Variants in MYOM2 observed in about 807,000 individuals in gnomAD.
MYOM2 encodes the protein myomesin 2.
A neutral mutation model predicts 187.6 loss-of-function variants in MYOM2; 254 were observed. That is an observed-to-expected ratio of 1.35 (90% CI 1.22 to 1.50). MYOM2 has a LOEUF of 1.50. MYOM2 is among the 40% of genes most tolerant of loss of function. The pLI is 0.00. For synonymous variants in MYOM2, 981 were observed against 753.8 expected, an observed-to-expected ratio of 1.30 and a Z score of -4.94; for missense variants, 2,796 against 1,924.0, an observed-to-expected ratio of 1.45 and a Z score of -8.48.
intron 14 of MYOM2, among the ~76,000 whole-genome samples, chr8:2,086,240 T>G (rs1377632373): frequency 2.4e-5 from 1 of 41,750 alleles, no homozygotes; most frequent in Non-Finnish European, 4.0e-5. Context: ...CCCCCACTGT[T>G]GTGATCTTTG....
rs915629156 is a variant in MYOM2 at position 2,090,188 on chromosome 8, A to G, written c.1825A>G (p.Thr609Ala). The change falls in exon 15 of 37, where the codon ACC (threonine) becomes GCC (alanine). Residue 609 changes from threonine to alanine, a missense_variant. Transcript: ENST00000262113. Reference protein sequence around the residue: ...ITSPIQAQDVTVVPSAPGRVL... With the variant: ...ITSPIQAQDVAVVPSAPGRVL... ...GTCCCCCATTCAGGCCCAGGATGTGACCGGTGAGCTGTCACACTGGGTGGC... is the reference window on the plus strand; with the variant it reads ...GTCCCCCATTCAGGCCCAGGATGTGGCCGGTGAGCTGTCACACTGGGTGGC... The G allele has an allele frequency of 6.2e-7, 1 of 1,612,136 alleles. No homozygotes were observed. The highest frequency in any genetic ancestry group is 8.5e-7 in the Non-Finnish European group (1 of 1,178,552).
At chr8:2,097,057 C>T in intron 18 of MYOM2, 8 of 927,612 alleles carry the variant, frequency 8.6e-6, no homozygotes, top group Non-Finnish European at 1.0e-5. Flanking sequence ...CCTCATCTCA[C>T]ACTACAGCTC....
intron 32 of MYOM2, among the ~76,000 whole-genome samples, chr8:2,135,378 C>A (rs1004282058): frequency 6.6e-6 from 1 of 152,016 alleles, no homozygotes; most frequent in African/African-American, 2.4e-5. Context: ...TGTTACTGTT[C>A]GTATTTTGTT....
chr8:2,145,385 A>T lies in MYOM2; in HGVS notation c.*404A>T. On this transcript the variant is annotated 3_prime_UTR_variant, in exon 37 of 37. Transcript: ENST00000262113. ...AGCATCTCTGAAATCCTGGCTGTCG[A>T]GGCTTTGAAGCATGTGTTACCTGGT... is the stretch of plus-strand genomic sequence containing the variant. The T allele has an allele frequency of 3.7e-6, 1 of 268,224 alleles. No homozygotes were observed. Among genetic ancestry groups the T allele is most frequent in the Non-Finnish European group, 6.9e-6 (1 of 144,798 alleles). The allele number at this position is 268,224 out of a possible 1,614,324, so 16.6% of individuals were successfully genotyped here.
At chr8:2,108,740 C>A (rs374283190) in intron 23 of MYOM2, 46 bp from the exon 24 acceptor site, 10 of 1,602,736 alleles carry the variant, frequency 6.2e-6, no homozygotes, top group Non-Finnish European at 6.8e-6. Context: ...ACAAACTTCT[C>A]TAGGTGCAGG....
intron 32 of MYOM2, among the ~76,000 whole-genome samples, chr8:2,130,100 G>A (rs773062162): frequency 1.3e-5 from 2 of 151,440 alleles, no homozygotes; most frequent in African/African-American, 2.4e-5. Context: ...CCCACACCCC[G>A]CCTTTAGTTA....
chr8:2,071,694 C>T (rs773610839), intron 8 of MYOM2, among the ~76,000 whole-genome samples: 3 of 152,308 alleles, frequency 2.0e-5, no homozygotes, highest in South Asian at 2.1e-4. Flanking sequence ...GTCTCCGCTC[C>T]GGCTGCTGGA....
In MYOM2 at chr8:2,123,223, A is replaced by G. The variant is rs368401062; in HGVS notation, c.3454-29A>G. 5.0e-6 allele frequency: 7 copies of G among 1,405,300 alleles called. No homozygotes were observed. The African/African-American group carries it at 1.0e-4, about 20-fold the overall frequency. The allele number at this position is 1,405,300 out of a possible 1,614,324, so 87.1% of individuals were successfully genotyped here. ...TTTCTCATGAGTCAGAATGATTTAC[A>G]CACTAAACTTAAGCTTTCTACCTCA... On this transcript the variant is annotated intron_variant, in intron 28 of 36. Transcript: ENST00000262113.
In MYOM2 at chr8:2,106,506, A is replaced by C. The variant is rs778771138; in HGVS notation, c.2907A>C (p.Leu969Phe). 5 of 1,612,582 alleles carry C rather than the reference A, an allele frequency of 3.1e-6. No individual in the cohort carries two copies. The highest frequency in any genetic ancestry group is 4.2e-6 in the Non-Finnish European group (5 of 1,178,654). The change falls in exon 23 of 37, where the codon TTA becomes TTC. Residue 969 changes from leucine to phenylalanine, a missense_variant. By Grantham distance (22) the Leu-to-Phe change is conservative (BLOSUM62 0). Transcript: ENST00000262113. The part of the protein sequence containing the change: ...ETVGDHSKLY[L>F]KNPDKEDLGT... ...TCCTTTTTAGCTCCAAGCTGTACTT[A>C]AAGAATCCGGATAAGGAGGATTTAG... is the stretch of plus-strand genomic sequence containing the variant.
chr8:2,083,247 G>C (rs1242661093), intron 13 of MYOM2, among the ~76,000 whole-genome samples: 1 of 152,244 alleles, frequency 6.6e-6, no homozygotes, highest in Non-Finnish European at 1.5e-5. Context: ...GGTGAGGGCA[G>C]CATCAGTGCC....
chr8:2,070,333 G>C (rs1310199861), intron 8 of MYOM2, among the ~76,000 whole-genome samples: 2 of 152,258 alleles, frequency 1.3e-5, no homozygotes, highest in African/African-American at 4.8e-5. Flanking sequence ...CCGAAGCAAC[G>C]ATGGAGGGTG....
At chr8:2,091,316 T>G (rs1305221388) in intron 15 of MYOM2, among the ~76,000 whole-genome samples, 1 of 152,162 alleles carries the variant, frequency 6.6e-6, no homozygotes, top group Non-Finnish European at 1.5e-5. Flanking sequence ...AATGTTGGGA[T>G]TCCAGGTGTG....
rs537675300 is a variant in MYOM2, at chr8:2,074,641, G to C, written c.1120+1141G>C. 2.6e-5 allele frequency among the ~76,000 whole-genome samples: 4 copies of C among 152,218 alleles called. No individual in the cohort carries two copies. The South Asian group carries it at 8.3e-4, about 32-fold the overall frequency. On this transcript the variant is annotated intron_variant, in intron 10 of 36. Coordinates refer to ENST00000262113, the MANE Select transcript of MYOM2 (RefSeq NM_003970.4). ...GGCTAATTTTTATATTTTTAGTAGA[G>C]ATGGGATTTCACCATGTTGGCCAGG...
chr8:2,084,282 G>T (rs1819732587), intron 13 of MYOM2, among the ~76,000 whole-genome samples: 1 of 152,208 alleles, frequency 6.6e-6, no homozygotes, highest in African/African-American at 2.4e-5. Context: ...AATGAGCCCA[G>T]CTCAGCCTGC....
At chr8:2,056,742 C>A (rs4875924) in intron 3 of MYOM2, among the ~76,000 whole-genome samples, 129,704 of 151,938 alleles carry the variant, frequency 0.85, 55,535 homozygotes, top group East Asian at 0.97. Flanking sequence ...CATTTTCCTA[C>A]ATTTTCAAAT....
At chr8:2,143,917 C>T (rs147382122) in intron 36 of MYOM2, among the ~76,000 whole-genome samples, 6 of 152,338 alleles carry the variant, frequency 3.9e-5, no homozygotes, top group African/African-American at 1.4e-4. Context: ...TTCTCAAGGT[C>T]ATTGTGGAAC....
intron 1 of MYOM2, among the ~76,000 whole-genome samples, chr8:2,048,378 A>G (rs541951574): frequency 3.3e-5 from 5 of 152,266 alleles, no homozygotes; most frequent in Non-Finnish European, 7.3e-5. Flanking sequence ...GTTTCTGAGC[A>G]GGAAGCGTTT....
intron 32 of MYOM2, among the ~76,000 whole-genome samples, chr8:2,135,495 T>C (rs1798036813): frequency 6.6e-6 from 1 of 152,152 alleles, no homozygotes; most frequent in South Asian, 2.1e-4. Flanking sequence ...CCAGACCTTC[T>C]CTCCTCCTCC....
At chr8:2,094,405 G>A (rs1445305236) in intron 17 of MYOM2, among the ~76,000 whole-genome samples, 1 of 152,212 alleles carries the variant, frequency 6.6e-6, no homozygotes, top group Non-Finnish European at 1.5e-5. Flanking sequence ...TGTAATCGCA[G>A]CACTTTTGGA....
Sources: allele counts gnomAD v4.1 joint callset (sites outside exome capture counted in the v4.1 genomes callset), GRCh38; gene constraint gnomAD v4.1.1; transcripts MANE v1.5; gene names NCBI Gene and HGNC (gene_info 2026-07-23, HGNC 2026-07-21).